The following SAMD12 variants were observed in gnomAD, a reference collection of about 807,000 sequenced individuals.
SAMD12 encodes the protein sterile alpha motif domain-containing protein 12.
Under a neutral mutation model 15.0 loss-of-function variants are expected in SAMD12, and 9 were observed. The observed-to-expected ratio is 0.60, with a 90% CI of 0.36 to 1.05. SAMD12 has a LOEUF of 1.05. SAMD12 is among the 50% of genes least tolerant of loss of function. The pLI is 0.01. For missense variants in SAMD12, 230 were observed against 234.2 expected (o/e 0.98, Z 0.12); for synonymous variants, 86 against 90.1 (o/e 0.96, Z 0.25).
the SAMD12 span, among the ~76,000 whole-genome samples, chr8:118,155,133 T>C: frequency 6.6e-6 from 1 of 152,202 alleles, no homozygotes; most frequent in Admixed American, 6.5e-5. Context: ...TATGCATATA[T>C]GTATTTATTT....
chr8:118,265,525 G>A (rs1382902464), intron 4 of SAMD12, among the ~76,000 whole-genome samples: 1 of 152,026 alleles, frequency 6.6e-6, no homozygotes, highest in African/African-American at 2.4e-5. Flanking sequence ...TCCAGAATGA[G>A]TTACCCTTAT....
At chr8:118,230,584 A>G (rs951484017) in intron 4 of SAMD12, among the ~76,000 whole-genome samples, 21 of 152,276 alleles carry the variant, frequency 1.4e-4, no homozygotes, top group Non-Finnish European at 2.2e-4. Flanking sequence ...ACAGAAGGAC[A>G]AGTTGAGACT....
intron 2 of SAMD12, among the ~76,000 whole-genome samples, chr8:118,527,336 A>C (rs1825561300): frequency 6.6e-6 from 1 of 152,214 alleles, no homozygotes; most frequent in African/African-American, 2.4e-5. Flanking sequence ...TGTAGACACC[A>C]ACTGTGAATG....
intron 3 of SAMD12, among the ~76,000 whole-genome samples, chr8:118,402,865 TA>T (rs1194315529): frequency 6.6e-6 from 1 of 152,328 alleles, no homozygotes; most frequent in East Asian, 1.9e-4. Context: ...GCCATCATCT[TA>T]TTGATCTTTT....
chr8:118,452,593 TG>T lies in SAMD12; in HGVS notation c.193-12633del, dbSNP rs573218751. ...CAACCACATTCCTAATAAATAATAA[TG>T]GGCCCTCATTTGATTAATTATTTAA... On this transcript the variant is annotated intron_variant, in intron 2 of 3. Coordinates refer to ENST00000314727, the MANE Select transcript of SAMD12 (RefSeq NM_207506.3). Among the ~76,000 whole-genome samples the T allele has an allele frequency of 3.3e-5, 5 of 152,326 alleles. No homozygotes were observed. The South Asian group carries it at 1.0e-3, about 32-fold the overall frequency.
chr8:118,176,299 T>TA, the SAMD12 span, among the ~76,000 whole-genome samples: 1 of 151,770 alleles, frequency 6.6e-6, no homozygotes, highest in Non-Finnish European at 1.5e-5. Flanking sequence ...AAACTCTGTC[T>TA]AAAAAAAGAA....
chr8:118,484,628 C>T (rs1436985990), intron 2 of SAMD12, among the ~76,000 whole-genome samples: 3 of 151,944 alleles, frequency 2.0e-5, no homozygotes, highest in Admixed American at 1.3e-4. Flanking sequence ...TTAAAAAATA[C>T]CACTGTCCTC....
chr8:118,317,297 T>A lies in SAMD12; in HGVS notation c.433+62263A>T, dbSNP rs116883292. ...GTCCTGTGGCCCAGCAAACCCATCC[T>A]GAGTATGTGTCACCAGAGATGCATA... On this transcript the variant is annotated intron_variant, in intron 4 of 4. Transcript: ENST00000409003. 2.7e-3 allele frequency among the ~76,000 whole-genome samples: 412 copies of A among 152,320 alleles called. 1 individual carries two copies. The highest frequency in any genetic ancestry group is 4.1e-3 in the Non-Finnish European group (279 of 68,022).
intron 2 of SAMD12, among the ~76,000 whole-genome samples, chr8:118,564,144 C>T (rs1403334500): frequency 1.3e-5 from 2 of 152,096 alleles, no homozygotes; most frequent in African/African-American, 4.8e-5. Context: ...AATAGGTCAG[C>T]TTCTTCAAAA....
At chr8:118,413,007 C>A (rs574746778) in intron 3 of SAMD12, among the ~76,000 whole-genome samples, 1 of 152,204 alleles carries the variant, frequency 6.6e-6, no homozygotes, top group Non-Finnish European at 1.5e-5. Flanking sequence ...GGCACCTCCA[C>A]ACCATTGCTA....
chr8:118,243,111 G>A (rs946236283), intron 4 of SAMD12, among the ~76,000 whole-genome samples: 1 of 152,128 alleles, frequency 6.6e-6, no homozygotes, highest in Non-Finnish European at 1.5e-5. Flanking sequence ...GGAATGCTAG[G>A]CATCAAATAG....
intron 4 of SAMD12, among the ~76,000 whole-genome samples, chr8:118,249,209 A>G (rs188597852): frequency 1.3e-5 from 2 of 152,292 alleles, no homozygotes; most frequent in Admixed American, 6.5e-5. Context: ...GTGCTTGCTT[A>G]CCACAAATAT....
chr8:118,155,107 A>ATG, the SAMD12 span, among the ~76,000 whole-genome samples: 1 of 152,066 alleles, frequency 6.6e-6, no homozygotes, highest in African/African-American at 2.4e-5. Context: ...ATATATATAT[A>ATG]TGTGTGTGTA....
At chr8:118,332,293 G>A (rs1816842608) in intron 4 of SAMD12, among the ~76,000 whole-genome samples, 1 of 152,104 alleles carries the variant, frequency 6.6e-6, no homozygotes, top group Non-Finnish European at 1.5e-5. Context: ...CAATGATGAC[G>A]TATTACATGT....
intron 4 of SAMD12, among the ~76,000 whole-genome samples, chr8:118,233,275 T>C (rs1812355117): frequency 6.6e-6 from 1 of 152,200 alleles, no homozygotes; most frequent in Admixed American, 6.5e-5. Flanking sequence ...TGTAACTTTC[T>C]TTGGCTGAGA....
At chr8:118,334,989 A>T (rs1816988921) in intron 4 of SAMD12, among the ~76,000 whole-genome samples, 1 of 152,090 alleles carries the variant, frequency 6.6e-6, no homozygotes, top group Non-Finnish European at 1.5e-5. Flanking sequence ...CTTCCCAAAC[A>T]CGTGGTGTGA....
chr8:118,284,260 T>TG (rs1281645882), intron 4 of SAMD12: 6 of 455,856 alleles, frequency 1.3e-5, no homozygotes, highest in Admixed American at 2.4e-5. Flanking sequence ...CCAATCCCTT[T>TG]GTCTTTTACA....
intron 2 of SAMD12, among the ~76,000 whole-genome samples, chr8:118,558,598 T>G (rs1826613554): frequency 6.6e-6 from 1 of 152,068 alleles, no homozygotes; most frequent in Admixed American, 6.6e-5. Context: ...TGATTCTGTC[T>G]CCCAGGCTGG....
chr8:118,186,572 G>A (rs1819246688), downstream of SAMD12, among the ~76,000 whole-genome samples: 2 of 138,812 alleles, frequency 1.4e-5, no homozygotes, highest in East Asian at 2.0e-4. Flanking sequence ...TTTTTTTTGA[G>A]TCATCAATTT....
Sources: gnomAD v4.1 joint callset for allele counts (sites outside exome capture counted in the v4.1 genomes callset) on GRCh38, gnomAD v4.1.1 for gene constraint, MANE v1.5 for transcripts, NCBI Gene and HGNC (gene_info 2026-07-23, HGNC 2026-07-21) for gene names.